ZNF536: variants seen among roughly 807,000 people sequenced by gnomAD.
ZNF536 encodes the protein zinc finger protein 536.
ZNF536 carries 13 observed loss-of-function variants against 84.5 expected under a neutral mutation model. The ratio of observed to expected loss-of-function variants is 0.15; its 90% CI spans 0.10 to 0.24. The LOEUF is 0.24. ZNF536 is among the 10% of genes least tolerant of loss of function. The pLI is 1.00. For missense variants in ZNF536, 1,536 were observed against 1,747.5 expected (o/e 0.88, Z 2.16); for synonymous variants, 811 against 742.5 (o/e 1.09, Z -1.50).
chr19:30,642,368 T>C (rs901319357), intron 1 of ZNF536, among the ~76,000 whole-genome samples: 7 of 152,176 alleles, frequency 4.6e-5, no homozygotes, highest in African/African-American at 1.4e-4. Flanking sequence ...AAAGTTCTTC[T>C]AGTCAATCCT....
intron 1 of ZNF536, among the ~76,000 whole-genome samples, chr19:30,585,466 A>C (rs1404028692): frequency 6.6e-6 from 1 of 152,198 alleles, no homozygotes; most frequent in East Asian, 1.9e-4. Context: ...AAGCTCGGCT[A>C]TTGATGGAGA....
intron 1 of ZNF536, among the ~76,000 whole-genome samples, chr19:30,246,250 G>A (rs1295595490): frequency 2.0e-5 from 3 of 152,174 alleles, no homozygotes; most frequent in Non-Finnish European, 4.4e-5. Flanking sequence ...TGCAACTGAA[G>A]AATCTGTTTT....
chr19:30,630,690 C>T (rs934339442), intron 1 of ZNF536, among the ~76,000 whole-genome samples: 1 of 152,200 alleles, frequency 6.6e-6, no homozygotes, highest in Non-Finnish European at 1.5e-5. Context: ...ATCTTAGGGG[C>T]TGCGACTGCT....
intron 1 of ZNF536, among the ~76,000 whole-genome samples, chr19:30,645,714 G>A (rs1273520766): frequency 6.6e-6 from 1 of 152,194 alleles, no homozygotes; most frequent in East Asian, 1.9e-4. Flanking sequence ...CTTTATAAGT[G>A]TCAAAGGGAT....
intron 2 of ZNF536, among the ~76,000 whole-genome samples, chr19:30,505,424 ATAGT>A (rs2055134425): frequency 6.8e-6 from 1 of 148,078 alleles, no homozygotes; most frequent in Non-Finnish European, 1.5e-5. Flanking sequence ...AATATCTTAT[ATAGT>A]TATATTATCT....
At chr19:30,491,176 G>C (rs1599566274) in intron 2 of ZNF536, among the ~76,000 whole-genome samples, 1 of 152,254 alleles carries the variant, frequency 6.6e-6, no homozygotes, top group African/African-American at 2.4e-5. Context: ...GGGTGTTTTG[G>C]ATAATTACAA....
intron 2 of ZNF536, among the ~76,000 whole-genome samples, chr19:30,500,695 G>T (rs1325648063): frequency 6.6e-6 from 1 of 152,082 alleles, no homozygotes; most frequent in African/African-American, 2.4e-5. Context: ...ATGAATGTGG[G>T]TCTCACAACC....
intron 2 of ZNF536, among the ~76,000 whole-genome samples, chr19:30,345,905 A>T (rs530716278): frequency 6.6e-6 from 1 of 152,292 alleles, no homozygotes; most frequent in Admixed American, 6.5e-5. Flanking sequence ...TGGGACCGGG[A>T]GGCATCAGTC....
intron 2 of ZNF536, among the ~76,000 whole-genome samples, chr19:30,288,196 T>A (rs1320721701): frequency 6.6e-6 from 1 of 152,210 alleles, no homozygotes; most frequent in African/African-American, 2.4e-5. Flanking sequence ...AAGTAGGATG[T>A]GGATGAGGGA....
At position 30,312,199 on chromosome 19, in the gene ZNF536, T is replaced by C. The variant is rs571355723; in HGVS notation, c.-120+28058T>C. The stretch of plus-strand genomic sequence containing the variant: ...TTTGCAGGTGGAGAGAGGCGGTGCA[T>C]GAGAGAAGATGAGCCTTTCCAGGAT... On this transcript the variant is annotated intron_variant, in intron 2 of 5. Transcript: ENST00000585628. 2.1e-4 allele frequency among the ~76,000 whole-genome samples: 32 copies of C among 152,196 alleles called. No individual in the cohort carries two copies. The East Asian group carries it at 6.0e-3, about 29-fold the overall frequency.
intron 2 of ZNF536, among the ~76,000 whole-genome samples, chr19:30,463,090 G>A (rs1449737410): frequency 6.6e-6 from 1 of 151,996 alleles, no homozygotes; most frequent in Non-Finnish European, 1.5e-5. Context: ...TGTGGATAAG[G>A]ATGTGTGTGT....
intron 4 of ZNF536, among the ~76,000 whole-genome samples, chr19:30,553,050 C>T (rs1213171001): frequency 6.6e-6 from 1 of 152,154 alleles, no homozygotes; most frequent in Non-Finnish European, 1.5e-5. Context: ...AGGCATGGGT[C>T]ACATGTCTTT....
At chr19:30,501,524 A>G (rs1485984932) in intron 2 of ZNF536, among the ~76,000 whole-genome samples, 1 of 152,186 alleles carries the variant, frequency 6.6e-6, no homozygotes. Flanking sequence ...GTCTCCCAGC[A>G]TAAATTTGAC....
At chr19:30,541,094 G>T (rs2045311723) in intron 3 of ZNF536, among the ~76,000 whole-genome samples, 1 of 152,174 alleles carries the variant, frequency 6.6e-6, no homozygotes. Context: ...CTCATGCTAT[G>T]GTGGAAACCA....
chr19:30,619,096 A>G (rs1366251925), intron 1 of ZNF536, among the ~76,000 whole-genome samples: 1 of 152,094 alleles, frequency 6.6e-6, no homozygotes, highest in Non-Finnish European at 1.5e-5. Flanking sequence ...CCACCACGTA[A>G]TTTCTCATCC....
Position 30,279,652 on chromosome 19 carries a change from C to A in ZNF536, c.-189-4420C>A, listed in dbSNP as rs369899261. ...ACCATGGGAGGGAAGTTGCCAGCAC[C>A]CAGGGGGTGCACACTGGAGAAGACG... On this transcript the variant is annotated intron_variant, in intron 1 of 5. Transcript: ENST00000585628. Among the ~76,000 whole-genome samples, 18 of 152,204 alleles carry A rather than the reference C, an allele frequency of 1.2e-4. No individual in the cohort carries two copies. In the South Asian group the frequency reaches 3.7e-3, roughly 32 times the overall value.
At chr19:30,466,842 T>C (rs1056008784) in intron 2 of ZNF536, among the ~76,000 whole-genome samples, 8 of 151,764 alleles carry the variant, frequency 5.3e-5, no homozygotes, top group African/African-American at 1.7e-4. Flanking sequence ...TAACCATTTT[T>C]TTTGTTTTTT....
At chr19:30,389,513 T>G (rs2049491343) in intron 1 of ZNF536, among the ~76,000 whole-genome samples, 1 of 152,172 alleles carries the variant, frequency 6.6e-6, no homozygotes, top group African/African-American at 2.4e-5. Flanking sequence ...TCTCTTAACC[T>G]GTTCAGTACA....
At chr19:30,656,337 G>T (rs1600167499) in intron 1 of ZNF536, among the ~76,000 whole-genome samples, 1 of 152,132 alleles carries the variant, frequency 6.6e-6, no homozygotes, top group South Asian at 2.1e-4. Context: ...GGCAGTGCCG[G>T]ACCATTTTCC....
Sources: allele counts gnomAD v4.1 joint callset (sites outside exome capture counted in the v4.1 genomes callset), GRCh38; gene constraint gnomAD v4.1.1; transcripts MANE v1.5; gene names NCBI Gene and HGNC (gene_info 2026-07-23, HGNC 2026-07-21).